The following PRKDC variants were observed in gnomAD, a reference collection of about 807,000 sequenced individuals.
PRKDC encodes the protein DNA-dependent protein kinase catalytic subunit.
PRKDC carries 82 observed loss-of-function variants against 486.9 expected under a neutral mutation model. The ratio of observed to expected loss-of-function variants is 0.17; its 90% CI spans 0.14 to 0.20. The LOEUF is 0.20. PRKDC is among the 10% of genes least tolerant of loss of function. The pLI, the probability that PRKDC is intolerant of heterozygous loss-of-function variation, is 1.00. For synonymous variants in PRKDC, 1,895 were observed against 1,837.0 expected (o/e 1.03, Z -0.81); for missense variants, 4,504 against 5,038.2 (o/e 0.89, Z 3.21).
At position 47,834,436 on chromosome 8, in the gene PRKDC, C is replaced by G. The variant is rs1485314823; in HGVS notation, c.7952-40G>C. The G allele has an allele frequency of 8.1e-6, 13 of 1,602,224 alleles. No individual in the cohort carries two copies. In the East Asian group the frequency reaches 2.5e-4, roughly 30 times the overall value. On this transcript the variant is annotated intron_variant, in intron 58 of 85. Coordinates refer to ENST00000314191, the MANE Select transcript of PRKDC (RefSeq NM_006904.7). ...CAGAGAGGTCAGGCACTCAGCATCA[C>G]CCAGCTCTGTGCACGGGGCAGGACC...
At position 47,954,440 on chromosome 8, in the gene PRKDC, G is replaced by A; in HGVS notation, c.406C>T (p.Gln136Ter). ...ATGAGTCTAGAACTTCTAAAAGTCT[G>A]AAGTAACTAAAAGAATACAAATTAG... ...PALDLLIKLLQTFRSSRLMDE... is the reference protein window; with the variant it reads ...PALDLLIKLL Residue 136 changes from glutamine (Q) to a stop codon, truncating the protein, a stop_gained, in exon 5 of 86, where the codon CAG (glutamine) becomes TAG (stop). Transcript: ENST00000314191. LOFTEE classifies it high-confidence loss of function. 7.9e-7 allele frequency: 1 copy of A among 1,268,112 alleles called. No homozygotes were observed. The highest frequency in any genetic ancestry group is 1.9e-4 in the Middle Eastern group (1 of 5,162). The allele number at this position is 1,268,112 out of a possible 1,614,324, so 78.6% of individuals were successfully genotyped here.
intron 4 of PRKDC, 109 bp downstream of exon 4, chr8:47,955,765 G>T: frequency 3.6e-6 from 3 of 825,770 alleles, no homozygotes; most frequent in Non-Finnish European, 3.8e-6. Flanking sequence ...AATGTGATTA[G>T]ATCCTATCCT....
chr8:47,881,829 G>A, intron 37 of PRKDC, 83 bp downstream of exon 37: 1 of 1,222,972 alleles, frequency 8.2e-7, no homozygotes, highest in South Asian at 1.9e-5. Flanking sequence ...TGAGCTTTTG[G>A]AGCAACCTCC....
chr8:47,806,947 T>C (rs943911349), intron 69 of PRKDC, among the ~76,000 whole-genome samples, 190 bp downstream of exon 69: 2 of 152,188 alleles, frequency 1.3e-5, no homozygotes, highest in African/African-American at 4.8e-5. Flanking sequence ...CCGCCTGCCT[T>C]GGCCTCTCAA....
chr8:47,849,354 G>A (rs781655870), intron 53 of PRKDC, 25 bp downstream of exon 53: 17 of 1,613,868 alleles, frequency 1.1e-5, no homozygotes, highest in South Asian at 3.3e-5. Context: ...CTCCTGCCCC[G>A]AAAGGATCCC....
intron 3 of PRKDC, 87 bp from the exon 4 acceptor site, chr8:47,956,035 G>T: frequency 2.1e-6 from 2 of 958,454 alleles, no homozygotes; most frequent in Non-Finnish European, 3.2e-6. Flanking sequence ...TCTCCAAGAG[G>T]AGCAATACCA....
intron 3 of PRKDC, 72 bp downstream of exon 3, chr8:47,957,099 C>G (rs1054276306): frequency 2.0e-6 from 2 of 1,001,894 alleles, no homozygotes; most frequent in African/African-American, 1.7e-5. Context: ...AATAAAAATC[C>G]AAGTTCCTCA....
At chr8:47,861,134 T>C (rs1465137759) in intron 44 of PRKDC, among the ~76,000 whole-genome samples, 163 bp from the exon 45 acceptor site, 1 of 152,190 alleles carries the variant, frequency 6.6e-6, no homozygotes, top group Non-Finnish European at 1.5e-5. Flanking sequence ...CTAGTGAGTG[T>C]CCCTTAAGGA....
At chr8:47,917,587 C>A (rs1043222253) in intron 22 of PRKDC, among the ~76,000 whole-genome samples, 1 of 151,944 alleles carries the variant, frequency 6.6e-6, no homozygotes, top group Non-Finnish European at 1.5e-5. Context: ...AAAACTTGCC[C>A]CAAGGAATTA....
At chr8:47,934,268 T>A (rs767977460) in intron 14 of PRKDC, among the ~76,000 whole-genome samples, 178 bp from the exon 15 acceptor site, 1 of 152,250 alleles carries the variant, frequency 6.6e-6, no homozygotes, top group African/African-American at 2.4e-5. Context: ...CCAGGTGCGG[T>A]GGCTCACACC....
chr8:47,782,678 G>T lies in PRKDC; in HGVS notation c.11176-80C>A. The stretch of plus-strand genomic sequence containing the variant: ...GAGGGAAAAGCCAGAGTGGCTGTGA[G>T]CATTCCTCCGTGGGGCCGCCCTCTG... On this transcript the variant is annotated intron_variant, in intron 78 of 85. Transcript: ENST00000314191. The surrounding 1 kb of genome is among the most constrained non-coding windows in gnomAD (Gnocchi z 4.9). 6.9e-7 allele frequency: 1 copy of T among 1,459,760 alleles called. No homozygotes were observed. Among genetic ancestry groups the T allele is most frequent in the South Asian group, 1.3e-5 (1 of 78,920 alleles). The allele number at this position is 1,459,760 out of a possible 1,614,324, so 90.4% of individuals were successfully genotyped here. A position where few individuals can be genotyped will look rare whatever the true frequency, so the allele number is the denominator to read the frequency against.
rs2087952549 is a variant in PRKDC at position 47,834,181 on chromosome 8, A to G, written c.8152+15T>C. The stretch of plus-strand genomic sequence containing the variant: ...TGGGGAAGCTATTTTAAGCACACTC[A>G]GCAACCCAGCTTACCTTTCACTTTG... On this transcript the variant is annotated intron_variant, in intron 59 of 85. Transcript: ENST00000314191. 1 of 1,614,038 alleles carries G rather than the reference A, an allele frequency of 6.2e-7. No homozygotes were observed. The highest frequency in any genetic ancestry group is 2.2e-5 in the East Asian group (1 of 44,882).
intron 68 of PRKDC, among the ~76,000 whole-genome samples, chr8:47,808,433 T>C (rs1430911554): frequency 6.6e-6 from 1 of 152,074 alleles, no homozygotes; most frequent in Non-Finnish European, 1.5e-5. Context: ...TGCCCAGCCA[T>C]GAAAATTTAA....
At chr8:47,900,796 C>A (rs1213709580) in intron 27 of PRKDC, among the ~76,000 whole-genome samples, 1 of 151,568 alleles carries the variant, frequency 6.6e-6, no homozygotes, top group Non-Finnish European at 1.5e-5. Context: ...TTGCAGTGAG[C>A]CGAGATCCTG....
At chr8:47,883,167 T>A (rs2089258056) in intron 36 of PRKDC, among the ~76,000 whole-genome samples, 1 of 152,232 alleles carries the variant, frequency 6.6e-6, no homozygotes, top group Admixed American at 6.5e-5. Flanking sequence ...CACTCTCACA[T>A]AATGGATAAT....
At chr8:47,906,579 G>A (rs1258794577) in intron 25 of PRKDC, among the ~76,000 whole-genome samples, 3 of 150,668 alleles carry the variant, frequency 2.0e-5, no homozygotes, top group African/African-American at 7.3e-5. Context: ...GTTGCAGTGA[G>A]CCGAGATCGT....
chr8:47,935,119 CAA>C, intron 13 of PRKDC, 61 bp from the exon 14 acceptor site: 1 of 1,101,036 alleles, frequency 9.1e-7, no homozygotes, highest in Non-Finnish European at 1.3e-6. Flanking sequence ...TCAAAACTCA[CAA>C]AAAAAAACAA....
intron 40 of PRKDC, among the ~76,000 whole-genome samples, chr8:47,873,227 CAAAAAAAAA>C (rs60385860): frequency 3.9e-4 from 28 of 71,078 alleles, no homozygotes; most frequent in African/African-American, 6.4e-4. Flanking sequence ...GACTCCATCT[CAAAAAAAAA>C]AAAAAAAAAA....
intron 49 of PRKDC, among the ~76,000 whole-genome samples, 195 bp downstream of exon 49, chr8:47,856,961 T>C (rs947142858): frequency 2.0e-5 from 3 of 152,162 alleles, no homozygotes; most frequent in Non-Finnish European, 2.9e-5. Context: ...GTCAGACGAA[T>C]TACCAAAGGC....
Sources: allele counts gnomAD v4.1 joint callset (sites outside exome capture counted in the v4.1 genomes callset), GRCh38; gene constraint gnomAD v4.1.1; non-coding constraint Gnocchi (gnomAD v3.1); transcripts MANE v1.5; gene names NCBI Gene and HGNC (gene_info 2026-07-23, HGNC 2026-07-21).